The following GJB7 variants were observed in gnomAD, a reference collection of about 807,000 sequenced individuals.
The protein encoded by GJB7 is gap junction beta-7 protein.
For missense variants in GJB7, 253 were observed against 256.8 expected (o/e 0.99, Z 0.10); for synonymous variants, 87 against 95.2 (o/e 0.91, Z 0.50).
At chr6:87,319,148 G>A (rs1776623549) in intron 2 of GJB7, among the ~76,000 whole-genome samples, 1 of 152,016 alleles carries the variant, frequency 6.6e-6, no homozygotes, top group Non-Finnish European at 1.5e-5. Flanking sequence ...AAAATCTCCT[G>A]GAAATATTAT....
chr6:87,314,132 A>G lies in GJB7; in HGVS notation c.-28+8734T>C, dbSNP rs146904559. 2.3e-3 allele frequency among the ~76,000 whole-genome samples: 345 copies of G among 152,360 alleles called. 4 individuals are homozygous for G. Among genetic ancestry groups the G allele is most frequent in the African/African-American group, 8.1e-3 (336 of 41,572 alleles). On this transcript the variant is annotated intron_variant, in intron 2 of 2. Transcript: ENST00000525899. ...TTTATTTCACAGGCACTGTATGGTA[A>G]GCAGCAATTTCTAGTACAACCTAAA...
At chr6:87,300,405 C>G (rs1776303421) in intron 2 of GJB7, 1 of 250,794 alleles carries the variant, frequency 4.0e-6, no homozygotes, top group Non-Finnish European at 8.6e-6. Context: ...AAGGGAAGAA[C>G]CCTGGAATGG....
chr6:87,308,963 C>T (rs1478767542), intron 2 of GJB7, among the ~76,000 whole-genome samples: 1 of 152,192 alleles, frequency 6.6e-6, no homozygotes, highest in Non-Finnish European at 1.5e-5. Flanking sequence ...TCTCCATCTC[C>T]TTTTCCTGAC....
intron 2 of GJB7, among the ~76,000 whole-genome samples, chr6:87,317,200 C>CAA (rs113016507): frequency 0.058 from 7,890 of 137,108 alleles, 477 homozygotes; most frequent in African/African-American, 0.15. Flanking sequence ...ACTAAAAATA[C>CAA]AAAAAAAAAA....
At chr6:87,316,674 C>A (rs1442690848) in intron 2 of GJB7, among the ~76,000 whole-genome samples, 2 of 152,208 alleles carry the variant, frequency 1.3e-5, no homozygotes, top group Non-Finnish European at 2.9e-5. Flanking sequence ...CACTTTTGAT[C>A]TTCCTCACTC....
At chr6:87,321,582 A>G (rs1214470480) in intron 2 of GJB7, among the ~76,000 whole-genome samples, 1 of 152,036 alleles carries the variant, frequency 6.6e-6, no homozygotes, top group Non-Finnish European at 1.5e-5. Context: ...TTTTTTTGAG[A>G]TTACCTTGGC....
chr6:87,325,525 A>G (rs1776796708), intron 1 of GJB7, among the ~76,000 whole-genome samples: 2 of 149,282 alleles, frequency 1.3e-5, no homozygotes, highest in Admixed American at 6.7e-5. Context: ...TGAGATAATC[A>G]TGTGGTTTTT....
chr6:87,326,395 T>C (rs962697516), intron 1 of GJB7, among the ~76,000 whole-genome samples: 14 of 152,220 alleles, frequency 9.2e-5, no homozygotes, highest in Non-Finnish European at 1.3e-4. Flanking sequence ...CTTTATCTTG[T>C]GGGCATTTAG....
chr6:87,319,061 TAAA>T (rs762349357), intron 2 of GJB7, among the ~76,000 whole-genome samples: 1 of 152,194 alleles, frequency 6.6e-6, no homozygotes, highest in Non-Finnish European at 1.5e-5. Flanking sequence ...AACCCCAGAT[TAAA>T]ATAGATATCA....
At chr6:87,320,928 C>G (rs557157901) in intron 2 of GJB7, among the ~76,000 whole-genome samples, 1 of 152,122 alleles carries the variant, frequency 6.6e-6, no homozygotes, top group Non-Finnish European at 1.5e-5. Context: ...TGGAAAAGAC[C>G]TAGTAAGGGG....
At chr6:87,294,081 A>G (rs1383039487) in intron 2 of GJB7, among the ~76,000 whole-genome samples, 1 of 152,232 alleles carries the variant, frequency 6.6e-6, no homozygotes, top group Non-Finnish European at 1.5e-5. Flanking sequence ...AATAATGACC[A>G]CAGAAAGAGT....
chr6:87,320,956 C>T (rs147269229), intron 2 of GJB7, among the ~76,000 whole-genome samples: 4 of 152,214 alleles, frequency 2.6e-5, no homozygotes, highest in East Asian at 3.9e-4. Flanking sequence ...CAGTGGCTCA[C>T]GCCTGTAATC....
At chr6:87,316,847 C>T (rs1776591506) in intron 2 of GJB7, among the ~76,000 whole-genome samples, 1 of 152,182 alleles carries the variant, frequency 6.6e-6, no homozygotes, top group Non-Finnish European at 1.5e-5. Flanking sequence ...AAGAAACACA[C>T]CGCACCACAC....
At chr6:87,309,309 A>G (rs1409304588) in intron 2 of GJB7, among the ~76,000 whole-genome samples, 1 of 152,220 alleles carries the variant, frequency 6.6e-6, no homozygotes, top group Non-Finnish European at 1.5e-5. Context: ...CCAAGGTCAG[A>G]GGCAACAAGA....
Position 87,298,719 on chromosome 6 carries a change from C to T in GJB7, c.-27-13780G>A, listed in dbSNP as rs545544262. 21 of 183,572 alleles carry T rather than the reference C, an allele frequency of 1.1e-4. No homozygotes were observed. The South Asian group carries it at 1.4e-3, about 12-fold the overall frequency. 11.4% of individuals were successfully genotyped at this position (183,572 alleles called of 1,614,324 possible). ...CATGGAAATGGGCTCGCCCCTCACT[C>T]GCCACTGACGACCTGTCTCACCGCA... On this transcript the variant is annotated intron_variant, in intron 2 of 2. Coordinates refer to ENST00000525899, the MANE Select transcript of GJB7 (RefSeq NM_198568.3).
chr6:87,307,202 CA>C (rs74215604), intron 2 of GJB7, among the ~76,000 whole-genome samples: 13,396 of 129,102 alleles, frequency 0.1, 680 homozygotes, highest in Middle Eastern at 0.17. Flanking sequence ...AATTTTTAGC[CA>C]AAAAAAAAAA....
chr6:87,296,138 C>A (rs1391878657), intron 2 of GJB7, among the ~76,000 whole-genome samples: 1 of 152,188 alleles, frequency 6.6e-6, no homozygotes, highest in Non-Finnish European at 1.5e-5. Flanking sequence ...ACAATAGTGA[C>A]TATAGTCAGG....
intron 2 of GJB7, chr6:87,299,083 T>C: frequency 2.0e-6 from 1 of 509,294 alleles, no homozygotes; most frequent in Non-Finnish European, 3.9e-6. Flanking sequence ...ATGAAGAAGC[T>C]GGGGAGGCCA....
chr6:87,313,375 A>C (rs908537401), intron 2 of GJB7, among the ~76,000 whole-genome samples: 3 of 152,246 alleles, frequency 2.0e-5, no homozygotes, highest in Non-Finnish European at 2.9e-5. Context: ...TAGCTAATGC[A>C]TGTAAGTAAC....
Sources: allele counts gnomAD v4.1 joint callset (sites outside exome capture counted in the v4.1 genomes callset), GRCh38; gene constraint gnomAD v4.1.1; transcripts MANE v1.5; gene names NCBI Gene and HGNC (gene_info 2026-07-23, HGNC 2026-07-21).